OSBPL5: variants seen among roughly 807,000 people sequenced by gnomAD.
OSBPL5 encodes oxysterol-binding protein-related protein 5.
OSBPL5 carries 71 observed loss-of-function variants against 111.2 expected under a neutral mutation model. The ratio of observed to expected loss-of-function variants is 0.64; its 90% CI spans 0.53 to 0.78. The LOEUF (loss-of-function observed/expected upper bound fraction) is 0.78, where lower values mean the gene tolerates loss of function less well. Among genes scored for constraint, OSBPL5 ranks in the 30% least tolerant of loss-of-function variants. The pLI is 0.00. For missense variants in OSBPL5, 1,210 were observed against 1,189.3 expected (o/e 1.02, Z -0.26); for synonymous variants, 549 against 513.9 (o/e 1.07, Z -0.93).
intron 1 of OSBPL5, chr11:3,164,260 T>TC (rs1331687382): frequency 2.0e-5 from 3 of 152,282 alleles, no homozygotes; most frequent in Admixed American, 6.5e-5. Context: ...CCCAGCCGCT[T>TC]CGGCGGGGCA....
At chr11:3,096,738 T>G (rs1340939819) in intron 14 of OSBPL5, among the ~76,000 whole-genome samples, 2 of 152,002 alleles carry the variant, frequency 1.3e-5, no homozygotes, top group Non-Finnish European at 2.9e-5. Flanking sequence ...TCCAATTAAT[T>G]CAGGGGAGAG....
Position 3,130,262 on chromosome 11 carries a change from G to A in OSBPL5, c.-21-1093C>T, listed in dbSNP as rs1012120641. Among the ~76,000 whole-genome samples, 10 of 152,250 alleles carry A rather than the reference G, an allele frequency of 6.6e-5. No individual in the cohort carries two copies. The highest frequency in any genetic ancestry group is 2.4e-4 in the African/African-American group (10 of 41,468). ...TTCTCATCTTGTGTCCACTTCCCAAGGGCGAGCTCCTTAAAAACTACTGGT... is the reference window on the plus strand; with the variant it reads ...TTCTCATCTTGTGTCCACTTCCCAAAGGCGAGCTCCTTAAAAACTACTGGT... On this transcript the variant is annotated intron_variant, in intron 1 of 21. Transcript: ENST00000263650. This position sits in a 1 kb window ranked among gnomAD's most constrained non-coding sequence, Gnocchi z 4.5.
chr11:3,112,590 G>A lies in OSBPL5; in HGVS notation c.692-4645C>T, dbSNP rs1858043102. 2.7e-5 allele frequency among the ~76,000 whole-genome samples: 4 copies of A among 146,864 alleles called. 1 individual carries two copies. Among genetic ancestry groups the A allele is most frequent in the African/African-American group, 5.0e-5 (2 of 39,696 alleles). On this transcript the variant is annotated intron_variant, in intron 7 of 21. Transcript: ENST00000263650. ...AAATGTCTTTGTTTAAAAAAAATTT[G>A]TAAGTGCACTATAAAAGCATCACGT...
chr11:3,128,852 T>A (rs557224467), intron 2 of OSBPL5, among the ~76,000 whole-genome samples, 161 bp downstream of exon 2: 1 of 152,272 alleles, frequency 6.6e-6, no homozygotes, highest in East Asian at 1.9e-4. Flanking sequence ...CCGTATTACC[T>A]GGCACTCTAC....
In OSBPL5 at chr11:3,121,608, C is replaced by G. The variant is rs1238839390; in HGVS notation, c.402+389G>C. Among the ~76,000 whole-genome samples, 2 of 152,156 alleles carry G rather than the reference C, an allele frequency of 1.3e-5. No homozygotes were observed. The highest frequency in any genetic ancestry group is 2.9e-5 in the Non-Finnish European group (2 of 68,040). ...TCAGAGGCGAGTGAATGGCCACGGT[C>G]TCCGTGAGGTCTGAACACAGGACAC... On this transcript the variant is annotated intron_variant, in intron 5 of 21. Transcript: ENST00000263650. This position sits in a 1 kb window ranked among gnomAD's most constrained non-coding sequence, Gnocchi z 4.3.
At chr11:3,094,514 C>T (rs1857185426) in intron 14 of OSBPL5, 180 bp from the exon 15 acceptor site, 2 of 581,410 alleles carry the variant, frequency 3.4e-6, no homozygotes, top group Non-Finnish European at 6.1e-6. Flanking sequence ...AGCAGAACCC[C>T]ACAGGGAGAG....
chr11:3,126,340 G>T lies in OSBPL5; in HGVS notation c.219+133C>A. ...TCCCGGAGCAGCACAGTCTAGGATTGGGAGCTGTTTCCCCCGAACAGGCTG... is the reference window on the plus strand; with the variant it reads ...TCCCGGAGCAGCACAGTCTAGGATTTGGAGCTGTTTCCCCCGAACAGGCTG... On this transcript the variant is annotated intron_variant, in intron 3 of 21. Coordinates refer to ENST00000263650, the MANE Select transcript of OSBPL5 (RefSeq NM_020896.4). This position sits in a 1 kb window ranked among gnomAD's most constrained non-coding sequence, Gnocchi z 6.5. The T allele has an allele frequency of 1.3e-6, 1 of 741,912 alleles. No individual in the cohort carries two copies. Among genetic ancestry groups the T allele is most frequent in the Non-Finnish European group, 2.1e-6 (1 of 479,290 alleles). 46.0% of individuals were successfully genotyped at this position (741,912 alleles called of 1,614,324 possible).
rs145773375 is a variant in OSBPL5 at position 3,130,635 on chromosome 11, C to A, written c.-21-1466G>T. 1.8e-4 allele frequency among the ~76,000 whole-genome samples: 28 copies of A among 152,324 alleles called. No homozygotes were observed. In the East Asian group the frequency reaches 4.6e-3, roughly 25 times the overall value. ...CTCATGACCTTGGCCATCTTACACA[C>A]AGGGCAGCTGGCTTCAGAGAGGCTG... On this transcript the variant is annotated intron_variant, in intron 1 of 21. Transcript: ENST00000263650. This position sits in a 1 kb window ranked among gnomAD's most constrained non-coding sequence, Gnocchi z 4.5.
At chr11:3,145,401 C>G (rs1846308120) in intron 1 of OSBPL5, among the ~76,000 whole-genome samples, 1 of 152,228 alleles carries the variant, frequency 6.6e-6, no homozygotes, top group Non-Finnish European at 1.5e-5. Flanking sequence ...TTCACGAGCC[C>G]CATTCCCTTG....
At chr11:3,101,257 G>A (rs1857445102) in intron 13 of OSBPL5, among the ~76,000 whole-genome samples, 1 of 99,056 alleles carries the variant, frequency 1.0e-5, no homozygotes, top group East Asian at 3.0e-4. Flanking sequence ...TTACAGGCGT[G>A]AGCCACCATG....
At chr11:3,145,736 G>T (rs1361912644) in intron 1 of OSBPL5, among the ~76,000 whole-genome samples, 2 of 152,238 alleles carry the variant, frequency 1.3e-5, no homozygotes, top group Non-Finnish European at 2.9e-5. Context: ...GTTTACAGAT[G>T]AGAAGAGGGA....
intron 1 of OSBPL5, among the ~76,000 whole-genome samples, chr11:3,156,514 G>A (rs1230307421): frequency 2.6e-5 from 4 of 152,144 alleles, no homozygotes. Flanking sequence ...GGGAGTGTGA[G>A]CCTGGAAACC....
chr11:3,089,006 T>G (rs573702478), intron 21 of OSBPL5, among the ~76,000 whole-genome samples: 1 of 152,344 alleles, frequency 6.6e-6, no homozygotes, highest in Non-Finnish European at 1.5e-5. Context: ...ACCTGGCCTC[T>G]GAGGCGGTAT....
At chr11:3,118,901 C>A (rs2134451545) in intron 7 of OSBPL5, among the ~76,000 whole-genome samples, 1 of 152,046 alleles carries the variant, frequency 6.6e-6, no homozygotes, top group East Asian at 1.9e-4. Context: ...TAACTGAGAC[C>A]TGTCTCAGAT....
rs769383518 is a variant in OSBPL5 at position 3,142,607 on chromosome 11, C to T, written c.-21-13438G>A. Among the ~76,000 whole-genome samples the T allele has an allele frequency of 2.0e-5, 3 of 152,236 alleles. No individual in the cohort carries two copies. Among genetic ancestry groups the T allele is most frequent in the Non-Finnish European group, 4.4e-5 (3 of 68,048 alleles). ...CCTACAGGTCTGAGAGTCACCGTCT[C>T]GCGGGTGGAGAGCCTGGGTGGTGCG... On this transcript the variant is annotated intron_variant, in intron 1 of 21. Coordinates refer to ENST00000263650, the MANE Select transcript of OSBPL5 (RefSeq NM_020896.4). This position sits in a 1 kb window ranked among gnomAD's most constrained non-coding sequence, Gnocchi z 7.1.
chr11:3,133,928 C>T (rs149415918), intron 1 of OSBPL5, among the ~76,000 whole-genome samples: 1,606 of 151,950 alleles, frequency 0.011, 25 homozygotes, highest in African/African-American at 0.037. Context: ...ATTCTGGAGG[C>T]CAGGCCAGGA....
chr11:3,091,889 G>C (rs1288075483), intron 19 of OSBPL5, among the ~76,000 whole-genome samples: 1 of 152,180 alleles, frequency 6.6e-6, no homozygotes, highest in East Asian at 1.9e-4. Flanking sequence ...TCTGCACGCA[G>C]TAGGTGCACG....
rs571092899 is a variant in OSBPL5 at position 3,153,969 on chromosome 11, C to T, written c.-22+11247G>A. On this transcript the variant is annotated intron_variant, in intron 1 of 21. Transcript: ENST00000263650. ...CTGCAGCTGGGAGCCCCGGGGTTACCGGCTCCCCAACAGCGCCGTCAGCCC... is the reference window on the plus strand; with the variant it reads ...CTGCAGCTGGGAGCCCCGGGGTTACTGGCTCCCCAACAGCGCCGTCAGCCC... Among the ~76,000 whole-genome samples, 236 of 152,364 alleles carry T rather than the reference C, an allele frequency of 1.5e-3. 1 individual carries two copies. Among genetic ancestry groups the T allele is most frequent in the Non-Finnish European group, 2.1e-3 (144 of 68,036 alleles).
chr11:3,159,949 C>T (rs561549036), intron 1 of OSBPL5, among the ~76,000 whole-genome samples: 21 of 152,252 alleles, frequency 1.4e-4, no homozygotes, highest in African/African-American at 4.8e-4. Flanking sequence ...TGAAGAATTC[C>T]GGCTGCGTCT....
Sources: allele counts gnomAD v4.1 joint callset (sites outside exome capture counted in the v4.1 genomes callset), GRCh38; gene constraint gnomAD v4.1.1; non-coding constraint Gnocchi (gnomAD v3.1); transcripts MANE v1.5; gene names NCBI Gene and HGNC (gene_info 2026-07-23, HGNC 2026-07-21).